EXOC6B: variants seen among roughly 807,000 people sequenced by gnomAD.
The protein encoded by EXOC6B is SEC15 homolog B.
Under a neutral mutation model 113.5 loss-of-function variants are expected in EXOC6B, and 54 were observed. That is an observed-to-expected ratio of 0.48 (90% CI 0.38 to 0.60). The LOEUF (loss-of-function observed/expected upper bound fraction) is 0.60, where lower values mean the gene tolerates loss of function less well. EXOC6B is among the 20% of genes least tolerant of loss of function. The pLI is 0.00. For missense variants in EXOC6B, 797 were observed against 977.5 expected, an observed-to-expected ratio of 0.82 and a Z score of 2.46; for synonymous variants, 357 against 339.0, an observed-to-expected ratio of 1.05 and a Z score of -0.58.
chr2:72,699,181 T>C (rs141506798), intron 6 of EXOC6B, among the ~76,000 whole-genome samples: 101 of 152,256 alleles, frequency 6.6e-4, no homozygotes, highest in African/African-American at 2.4e-3. Flanking sequence ...TGAAGACGTA[T>C]CAAGAAAGTC....
At chr2:72,756,832 G>A (rs963822290) in intron 1 of EXOC6B, among the ~76,000 whole-genome samples, 1 of 152,010 alleles carries the variant, frequency 6.6e-6, no homozygotes, top group Non-Finnish European at 1.5e-5. Flanking sequence ...ATGAGGGAAA[G>A]GAAAAGGAAG....
At chr2:72,400,425 G>A (rs867951423) in intron 18 of EXOC6B, among the ~76,000 whole-genome samples, 2 of 151,770 alleles carry the variant, frequency 1.3e-5, no homozygotes, top group Non-Finnish European at 2.9e-5. Context: ...AATGAAAATA[G>A]AGAAATAGAA....
chr2:72,714,961 G>A (rs1241768673), intron 6 of EXOC6B, among the ~76,000 whole-genome samples: 1 of 152,168 alleles, frequency 6.6e-6, no homozygotes, highest in Admixed American at 6.6e-5. Context: ...ACACAAATGT[G>A]GACTAAATTT....
chr2:72,585,189 T>C (rs1705477960), intron 6 of EXOC6B, among the ~76,000 whole-genome samples: 1 of 151,976 alleles, frequency 6.6e-6, no homozygotes, highest in Non-Finnish European at 1.5e-5. Context: ...CAAAAATGCA[T>C]ACAAAAGATC....
chr2:72,252,099 C>A (rs1683059230), intron 20 of EXOC6B, among the ~76,000 whole-genome samples: 1 of 152,162 alleles, frequency 6.6e-6, no homozygotes, highest in Admixed American at 6.5e-5. Context: ...ATTCCTATCA[C>A]CACATAAATG....
intron 6 of EXOC6B, among the ~76,000 whole-genome samples, chr2:72,714,582 G>A (rs1206336341): frequency 6.6e-6 from 1 of 151,964 alleles, no homozygotes; most frequent in Admixed American, 6.6e-5. Context: ...TTAGAAAGGT[G>A]AACACATACA....
At chr2:72,801,466 T>C (rs185328617) in intron 1 of EXOC6B, among the ~76,000 whole-genome samples, 1 of 152,336 alleles carries the variant, frequency 6.6e-6, no homozygotes, top group East Asian at 1.9e-4. Context: ...AAAGTTTCAG[T>C]ATATTTTTAG....
At chr2:72,495,824 G>A (rs543060205) in intron 14 of EXOC6B, among the ~76,000 whole-genome samples, 20 of 152,170 alleles carry the variant, frequency 1.3e-4, no homozygotes, top group African/African-American at 4.1e-4. Context: ...CAATTTGGAC[G>A]AATCTCAAAA....
intron 6 of EXOC6B, among the ~76,000 whole-genome samples, chr2:72,677,666 A>C (rs1676411584): frequency 6.6e-6 from 1 of 152,246 alleles, no homozygotes; most frequent in Non-Finnish European, 1.5e-5. Context: ...AATGCAGTTT[A>C]TTCACAAATA....
chr2:72,438,103 T>C (rs1281896081), intron 18 of EXOC6B, among the ~76,000 whole-genome samples: 1 of 152,220 alleles, frequency 6.6e-6, no homozygotes, highest in East Asian at 1.9e-4. Flanking sequence ...GAACTTGAAA[T>C]TCTAGGAGCT....
intron 6 of EXOC6B, among the ~76,000 whole-genome samples, chr2:72,578,935 T>C (rs970816321): frequency 2.6e-5 from 4 of 152,124 alleles, no homozygotes; most frequent in African/African-American, 9.7e-5. Context: ...GTTTCAATGT[T>C]AGAGAAACAA....
chr2:72,460,148 G>A (rs1212419698), intron 18 of EXOC6B, among the ~76,000 whole-genome samples: 3 of 152,196 alleles, frequency 2.0e-5, no homozygotes, highest in Non-Finnish European at 4.4e-5. Flanking sequence ...AAACTGGCTA[G>A]CCATATGTAG....
At chr2:72,627,550 G>GA (rs1307139857) in intron 6 of EXOC6B, among the ~76,000 whole-genome samples, 1 of 152,154 alleles carries the variant, frequency 6.6e-6, no homozygotes, top group Admixed American at 6.6e-5. Context: ...TATATTCAAA[G>GA]AAAAAATCAA....
intron 6 of EXOC6B, among the ~76,000 whole-genome samples, chr2:72,627,398 G>A (rs1241005164): frequency 1.3e-5 from 2 of 152,106 alleles, no homozygotes; most frequent in African/African-American, 2.4e-5. Flanking sequence ...ATGAATTGCC[G>A]ATAATACAGC....
chr2:72,179,084 T>C lies in EXOC6B; in HGVS notation c.*251A>G, dbSNP rs7587370. 0.074 allele frequency: 30,838 copies of C among 416,902 alleles called. 1,423 individuals carry two copies. The highest frequency in any genetic ancestry group is 0.089 in the Non-Finnish European group (21,113 of 237,734). 25.8% of individuals were successfully genotyped at this position (416,902 alleles called of 1,614,324 possible). On this transcript the variant is annotated 3_prime_UTR_variant, in exon 22 of 22. Transcript: ENST00000272427. ...CACTGTGGAATTGATGATACCACCA[T>C]CTCTAAGATAACACAGATAGTGTAG...
At chr2:72,397,306 C>G (rs1201140873) in intron 18 of EXOC6B, among the ~76,000 whole-genome samples, 1 of 152,094 alleles carries the variant, frequency 6.6e-6, no homozygotes, top group Non-Finnish European at 1.5e-5. Context: ...AATATCATTT[C>G]TGGAATTCTT....
At chr2:72,356,040 A>G (rs1290298398) in intron 19 of EXOC6B, among the ~76,000 whole-genome samples, 1 of 152,214 alleles carries the variant, frequency 6.6e-6, no homozygotes, top group Non-Finnish European at 1.5e-5. Flanking sequence ...ATATTTTTTA[A>G]TTGAAAAGGA....
At chr2:72,420,256 A>G (rs953904221) in intron 18 of EXOC6B, among the ~76,000 whole-genome samples, 4 of 151,698 alleles carry the variant, frequency 2.6e-5, no homozygotes, top group African/African-American at 9.7e-5. Context: ...TTATTATTAT[A>G]CTTTAAGTTC....
At chr2:72,187,394 T>C (rs1385540285) in intron 20 of EXOC6B, among the ~76,000 whole-genome samples, 1 of 151,938 alleles carries the variant, frequency 6.6e-6, no homozygotes, top group African/African-American at 2.4e-5. Context: ...GGGTCTCAAG[T>C]TCTTTTCCTG....
Sources: gnomAD v4.1 joint callset for allele counts (sites outside exome capture counted in the v4.1 genomes callset) on GRCh38, gnomAD v4.1.1 for gene constraint, MANE v1.5 for transcripts, NCBI Gene and HGNC (gene_info 2026-07-23, HGNC 2026-07-21) for gene names.